The following FBXO38 variants were observed in gnomAD, a reference collection of about 807,000 sequenced individuals.
FBXO38 encodes the protein F-box protein 38, also known as F-box only protein 38.
FBXO38 carries 53 observed loss-of-function variants against 131.9 expected under a neutral mutation model. The observed-to-expected ratio is 0.40, with a 90% CI of 0.32 to 0.51. The LOEUF (loss-of-function observed/expected upper bound fraction) is 0.51. Ranked by LOEUF, FBXO38 falls within the 20% of genes least tolerant of loss-of-function variation. The pLI, the probability that FBXO38 is intolerant of heterozygous loss-of-function variation, is 0.53. For missense variants in FBXO38, 1,076 were observed against 1,475.6 expected (o/e 0.73, Z 4.44); for synonymous variants, 452 against 505.6 (o/e 0.89, Z 1.42).
Position 148,410,663 on chromosome 5 carries a change from C to G in FBXO38, c.991C>G (p.Leu331Val). The change falls in exon 9 of 22, where the codon CTA becomes GTA. Residue 331 changes from leucine to valine, a missense_variant. Around this residue, in one of 8 missense-constraint regions of FBXO38, gnomAD observed 146 missense variants for 274.3 expected, o/e 0.53. Transcript: ENST00000340253. ...ACATGAAGTTCGGATCCAGCCTTCC[C>G]TAACCAAAGATGGTGTCTTTTCTGC... ...RLHEVRIQPS[L>V]TKDGVFSALK... The G allele has an allele frequency of 6.2e-7, 1 of 1,614,074 alleles. No homozygotes were observed. The highest frequency in any genetic ancestry group is 8.5e-7 in the Non-Finnish European group (1 of 1,179,988).
Position 148,396,527 on chromosome 5 carries a change from A to T in FBXO38, c.128+1623A>T, listed in dbSNP as rs536746204. Reference sequence around the variant, plus strand: ...CTTACAGCTAAATTCAAAATGGGTCAGTGAATTAAACAAATCCTTCAAAAT... The same window carrying T: ...CTTACAGCTAAATTCAAAATGGGTCTGTGAATTAAACAAATCCTTCAAAAT... On this transcript the variant is annotated intron_variant, in intron 2 of 21. Coordinates refer to ENST00000340253, the MANE Select transcript of FBXO38 (RefSeq NM_205836.3). Among the ~76,000 whole-genome samples, 6 of 152,352 alleles carry T rather than the reference A, an allele frequency of 3.9e-5. No individual in the cohort carries two copies. In the East Asian group the frequency reaches 1.2e-3, roughly 29 times the overall value.
intron 5 of FBXO38, among the ~76,000 whole-genome samples, chr5:148,403,391 TAG>T (rs1752271209): frequency 6.6e-6 from 1 of 152,142 alleles, no homozygotes. Flanking sequence ...CCTTTGTTTA[TAG>T]AGTTTGTTTG....
At chr5:148,393,188 G>GGTGTGTGTGT (rs60593654) in intron 1 of FBXO38, among the ~76,000 whole-genome samples, 7,853 of 126,984 alleles carry the variant, frequency 0.062, 352 homozygotes, top group Non-Finnish European at 0.074. Flanking sequence ...ACAGAAGAGG[G>GGTGTGTGTGT]GTGTGTGTGT....
intron 5 of FBXO38, 121 bp downstream of exon 5, chr5:148,402,634 A>C (rs1752220923): frequency 2.3e-6 from 2 of 870,648 alleles, no homozygotes; most frequent in Non-Finnish European, 3.4e-6. Context: ...TTGCAAAATA[A>C]ATGTTTGCAA....
In FBXO38 at chr5:148,442,720, AAGTG is replaced by A. The variant is rs1754763328; in HGVS notation, c.*577_*580del. ...TAAAAAGACTTATGAGCTTAAAAAA[AAGTG>A]AGTTTGAGAGGGAAATGGAAAAGTT... On this transcript the variant is annotated 3_prime_UTR_variant, in exon 22 of 22. Transcript: ENST00000340253. 6.6e-6 allele frequency: 1 copy of A among 152,220 alleles called. No homozygotes were observed. The highest frequency in any genetic ancestry group is 2.4e-5 in the African/African-American group (1 of 41,458). The allele number at this position is 152,220 out of a possible 1,614,324, so 9.4% of individuals were successfully genotyped here.
chr5:148,422,022 T>C (rs1378448767), intron 12 of FBXO38, among the ~76,000 whole-genome samples: 1 of 152,054 alleles, frequency 6.6e-6, no homozygotes, highest in African/African-American at 2.4e-5. Context: ...TTTCCCATTG[T>C]ACTACCACTA....
chr5:148,413,251 G>C (rs1371063666), intron 9 of FBXO38: 5 of 152,108 alleles, frequency 3.3e-5, no homozygotes, highest in Non-Finnish European at 7.4e-5. Context: ...AGTAAAATTG[G>C]AAGTTTGGAG....
intron 1 of FBXO38, chr5:148,385,003 G>C (rs1757837349): frequency 6.6e-6 from 1 of 152,112 alleles, no homozygotes; most frequent in Admixed American, 6.5e-5. Flanking sequence ...TTAGGTCACT[G>C]GTTTTTAATC....
chr5:148,394,433 C>T (rs1758368520), intron 1 of FBXO38, among the ~76,000 whole-genome samples: 1 of 152,086 alleles, frequency 6.6e-6, no homozygotes, highest in Non-Finnish European at 1.5e-5. Context: ...AGCTAAGAAG[C>T]AACAGTACAA....
chr5:148,405,009 A>G (rs1270726917), intron 6 of FBXO38, among the ~76,000 whole-genome samples, 187 bp downstream of exon 6: 1 of 149,430 alleles, frequency 6.7e-6, no homozygotes, highest in Non-Finnish European at 1.5e-5. Flanking sequence ...TTTGTGTTTG[A>G]CCTCAGCAAA....
chr5:148,431,790 G>A (rs1262472117), intron 15 of FBXO38, among the ~76,000 whole-genome samples: 2 of 152,154 alleles, frequency 1.3e-5, no homozygotes, highest in East Asian at 3.9e-4. Context: ...TGTGTTGTGT[G>A]GTCAATAGTC....
In FBXO38 at chr5:148,394,691, A is replaced by G. The variant is rs569824047; in HGVS notation, c.-63-23A>G. 2.0e-5 allele frequency: 26 copies of G among 1,333,048 alleles called. No individual in the cohort carries two copies. The South Asian group carries it at 2.5e-4, about 13-fold the overall frequency. 82.6% of individuals were successfully genotyped at this position (1,333,048 alleles called of 1,614,324 possible). A position where few individuals can be genotyped will look rare whatever the true frequency, so the allele number is the denominator to read the frequency against. ...AGTAGGGGGTGTGTTTTTTTAGTCTACTTCGTTCTGTTTGCTTTTCAGGTA... is the reference window on the plus strand; with the variant it reads ...AGTAGGGGGTGTGTTTTTTTAGTCTGCTTCGTTCTGTTTGCTTTTCAGGTA... On this transcript the variant is annotated intron_variant, in intron 1 of 21. Coordinates refer to ENST00000340253, the MANE Select transcript of FBXO38 (RefSeq NM_205836.3).
intron 8 of FBXO38, chr5:148,410,119 G>A (rs1329910077): frequency 6.6e-6 from 1 of 152,268 alleles, no homozygotes; most frequent in Non-Finnish European, 1.5e-5. Context: ...GGAAGTGGGA[G>A]GGAAGTTGTT....
At chr5:148,395,457 C>T (rs1465417151) in intron 2 of FBXO38, among the ~76,000 whole-genome samples, 3 of 139,120 alleles carry the variant, frequency 2.2e-5, no homozygotes, top group African/African-American at 8.8e-5. Context: ...TTACCCAAAC[C>T]GCATTATAAC....
intron 8 of FBXO38, among the ~76,000 whole-genome samples, chr5:148,409,990 G>T (rs183305701): frequency 6.6e-6 from 1 of 152,284 alleles, no homozygotes; most frequent in Admixed American, 6.5e-5. Context: ...CACTTGAAAG[G>T]ATATAAGATT....
At chr5:148,419,676 A>G (rs1318545821) in intron 12 of FBXO38, among the ~76,000 whole-genome samples, 1 of 152,140 alleles carries the variant, frequency 6.6e-6, no homozygotes, top group Non-Finnish European at 1.5e-5. Context: ...GGAGTTTTCA[A>G]GGATGTAGTG....
chr5:148,399,224 G>C (rs1032014364), intron 3 of FBXO38, 92 bp downstream of exon 3: 1 of 1,443,812 alleles, frequency 6.9e-7, no homozygotes, highest in African/African-American at 1.4e-5. Context: ...CTTGAGAAAG[G>C]CAATCTAAGT....
intron 12 of FBXO38, 144 bp downstream of exon 12, chr5:148,417,348 A>C (rs1753120140): frequency 1.5e-6 from 1 of 656,090 alleles, no homozygotes; most frequent in African/African-American, 1.8e-5. Flanking sequence ...AACATGAGGG[A>C]GTAGGTGAAA....
chr5:148,388,496 C>T (rs561364910), intron 1 of FBXO38, among the ~76,000 whole-genome samples: 1 of 152,352 alleles, frequency 6.6e-6, no homozygotes, highest in Admixed American at 6.5e-5. Context: ...AGTGTAGCTA[C>T]TTTCAGCCGT....
Sources: gnomAD v4.1 joint callset for allele counts (sites outside exome capture counted in the v4.1 genomes callset) on GRCh38, gnomAD v4.1.1 for gene constraint, gnomAD v4.1.1 regional missense constraint, MANE v1.5 for transcripts, NCBI Gene and HGNC (gene_info 2026-07-23, HGNC 2026-07-21) for gene names.